RIPOR3: variants seen among roughly 807,000 people sequenced by gnomAD.
RIPOR3 encodes the protein RIPOR family member 3, also known as family with sequence similarity 65 member C.
In RIPOR3, 95 loss-of-function variants were observed where a neutral mutation model predicts 114.3. That is an observed-to-expected ratio of 0.83 (90% CI 0.70 to 0.99). The LOEUF is 0.99. RIPOR3 is among the 50% of genes least tolerant of loss of function. The pLI, the probability that RIPOR3 is intolerant of heterozygous loss-of-function variation, is 0.00. For synonymous variants in RIPOR3, 575 were observed against 543.8 expected, an observed-to-expected ratio of 1.06 and a Z score of -0.80; for missense variants, 1,252 against 1,266.9, an observed-to-expected ratio of 0.99 and a Z score of 0.18.
chr20:50,634,205 C>T (rs937772301), intron 1 of RIPOR3, among the ~76,000 whole-genome samples: 1 of 152,062 alleles, frequency 6.6e-6, no homozygotes, highest in Non-Finnish European at 1.5e-5. Context: ...TGTTCTCGAA[C>T]TCCTGAGCTC....
chr20:50,591,959 G>A (rs915691190), intron 19 of RIPOR3, among the ~76,000 whole-genome samples: 21 of 152,296 alleles, frequency 1.4e-4, no homozygotes, highest in African/African-American at 5.1e-4. Context: ...GCTGGGTATG[G>A]TGGTGGGCGC....
At chr20:50,667,852 C>T (rs1447284867) in intron 1 of RIPOR3, among the ~76,000 whole-genome samples, 5 of 152,184 alleles carry the variant, frequency 3.3e-5, no homozygotes, top group Admixed American at 6.5e-5. Context: ...TTTGTGATTA[C>T]GGGTAAGTTC....
Position 50,635,496 on chromosome 20 carries a change from A to T in RIPOR3, c.4-4640T>A, listed in dbSNP as rs1207643575. On this transcript the variant is annotated intron_variant, in intron 1 of 21. Transcript: ENST00000327979. ...TAGTGAGACCCGGTCCCCACAAAAA[A>T]TACAAAAATTACCCAGATGTGGTGG... Among the ~76,000 whole-genome samples the T allele has an allele frequency of 2.0e-5, 3 of 152,102 alleles. No individual in the cohort carries two copies. The East Asian group carries it at 5.8e-4, about 29-fold the overall frequency.
intron 2 of RIPOR3, among the ~76,000 whole-genome samples, chr20:50,624,180 A>G (rs1479657658): frequency 6.6e-6 from 1 of 152,210 alleles, no homozygotes; most frequent in Non-Finnish European, 1.5e-5. Context: ...CAAAGCCCAC[A>G]GGGGCTGTGC....
intron 1 of RIPOR3, among the ~76,000 whole-genome samples, chr20:50,669,236 C>T (rs1041858140): frequency 6.6e-6 from 1 of 152,174 alleles, no homozygotes; most frequent in Non-Finnish European, 1.5e-5. Context: ...CCTTACCCAA[C>T]CCTGGTTCAG....
chr20:50,596,419 T>A (rs1568825522), intron 14 of RIPOR3, among the ~76,000 whole-genome samples, 156 bp from the exon 15 acceptor site: 3 of 152,040 alleles, frequency 2.0e-5, no homozygotes, highest in Admixed American at 2.0e-4. Flanking sequence ...GAACAAAGGG[T>A]GGCAGCAACT....
At chr20:50,675,313 C>T (rs1390732737) in intron 1 of RIPOR3, among the ~76,000 whole-genome samples, 1 of 152,174 alleles carries the variant, frequency 6.6e-6, no homozygotes, top group East Asian at 1.9e-4. Context: ...TGCTTCATTA[C>T]AGCAGTCCTA....
At chr20:50,591,906 C>T (rs1232326217) in intron 19 of RIPOR3, among the ~76,000 whole-genome samples, 1 of 152,138 alleles carries the variant, frequency 6.6e-6, no homozygotes, top group East Asian at 1.9e-4. Context: ...ACCAGCCTGG[C>T]CAACATGGTG....
Position 50,602,872 on chromosome 20 carries a change from C to T in RIPOR3, c.1087-228G>A, listed in dbSNP as rs1482909333. Among the ~76,000 whole-genome samples the T allele has an allele frequency of 1.3e-5, 2 of 152,256 alleles. No homozygotes were observed. Among genetic ancestry groups the T allele is most frequent in the East Asian group, 3.9e-4 (2 of 5,190 alleles). ...CACTCCCCCCAACCTCAACAGCCTC[C>T]TGGCTATTGCTCATGCCCTGTGGGC... On this transcript the variant is annotated intron_variant, in intron 12 of 21. Transcript: ENST00000327979. The surrounding 1 kb of genome is among the most constrained non-coding windows in gnomAD (Gnocchi z 4.3).
chr20:50,594,643 G>T lies in RIPOR3; in HGVS notation c.2122C>A (p.Leu708Met). ...WRGCTGPGRV[L>M]SCPATTLLNQ... Reference sequence around the variant, plus strand: ...AGCAGCGTCGTGGCAGGGCAGGACAGGACCCTGCCAGGCCCTGTGCACCCT... The same window carrying T: ...AGCAGCGTCGTGGCAGGGCAGGACATGACCCTGCCAGGCCCTGTGCACCCT... Residue 708 changes from leucine (L) to methionine (M), a missense_variant, in exon 17 of 22, where the codon CTG becomes ATG. Leu to Met is a conservative substitution (Grantham distance 15). Transcript: ENST00000327979. 1 of 1,613,750 alleles carries T rather than the reference G, an allele frequency of 6.2e-7. No individual in the cohort carries two copies. The highest frequency in any genetic ancestry group is 2.2e-5 in the East Asian group (1 of 44,862).
rs34725648 is a variant in RIPOR3 at position 50,677,367 on chromosome 20, CTTT to C, written c.3+13756_3+13758del. Among the ~76,000 whole-genome samples the C allele has an allele frequency of 8.8e-3, 854 of 96,778 alleles. 6 individuals carry two copies. The highest frequency in any genetic ancestry group is 0.029 in the East Asian group (94 of 3,286). The allele number at this position is 96,778 out of a possible 152,430, so 63.5% of individuals were successfully genotyped here. On this transcript the variant is annotated intron_variant, in intron 1 of 21. Coordinates refer to ENST00000327979, the MANE Select transcript of RIPOR3 (RefSeq NM_001290268.2). Reference sequence around the variant, plus strand: ...TTATTATTATTATTTTCTTGTTTTACTTTTTTTTTTTTTTTTTTTTTTAGACCG... The same window carrying C: ...TTATTATTATTATTTTCTTGTTTTACTTTTTTTTTTTTTTTTTTTAGACCG...
intron 1 of RIPOR3, among the ~76,000 whole-genome samples, chr20:50,636,071 T>C (rs1449851690): frequency 6.6e-6 from 1 of 152,220 alleles, no homozygotes; most frequent in Non-Finnish European, 1.5e-5. Context: ...GCAGCTCAGC[T>C]GCGCCCCCTC....
intron 1 of RIPOR3, among the ~76,000 whole-genome samples, chr20:50,676,735 T>C (rs1247540553): frequency 6.6e-6 from 1 of 151,138 alleles, no homozygotes; most frequent in East Asian, 1.9e-4. Flanking sequence ...ACATCAGAAA[T>C]GGGTTTCTCT....
chr20:50,609,671 C>A lies in RIPOR3; in HGVS notation c.478G>T (p.Ala160Ser). The A allele has an allele frequency of 7.2e-7, 1 of 1,391,486 alleles. No homozygotes were observed. The highest frequency in any genetic ancestry group is 9.3e-7 in the Non-Finnish European group (1 of 1,073,428). 86.2% of individuals were successfully genotyped at this position (1,391,486 alleles called of 1,614,324 possible). A position where few individuals can be genotyped will look rare whatever the true frequency, so the allele number is the denominator to read the frequency against. ...YCIQCRLRDG[A>S]SSMQRAFARC... Reference sequence around the variant, plus strand: ...GCGAAGGCCCGCTGCATGCTGGAGGCGCCGTCGCGCAGGCGGCACTGGATG... The same window carrying A: ...GCGAAGGCCCGCTGCATGCTGGAGGAGCCGTCGCGCAGGCGGCACTGGATG... The change falls in exon 7 of 22, where the codon GCC (alanine) becomes TCC (serine). Residue 160 changes from alanine (A) to serine (S), a missense_variant. Ala to Ser is a moderately conservative substitution (Grantham distance 99, BLOSUM62 1). Coordinates refer to ENST00000327979, the MANE Select transcript of RIPOR3 (RefSeq NM_001290268.2).
chr20:50,663,781 C>T (rs904204816), intron 1 of RIPOR3, among the ~76,000 whole-genome samples: 3 of 152,192 alleles, frequency 2.0e-5, no homozygotes, highest in Non-Finnish European at 4.4e-5. Context: ...GTCCCCCCAT[C>T]CAAGACAACC....
intron 11 of RIPOR3, among the ~76,000 whole-genome samples, chr20:50,607,106 A>T (rs1483476633): frequency 6.6e-6 from 1 of 152,048 alleles, no homozygotes; most frequent in East Asian, 1.9e-4. Flanking sequence ...CATTTTGTTC[A>T]AGTCTTTGTT....
At chr20:50,645,267 G>C (rs1444212224) in intron 1 of RIPOR3, among the ~76,000 whole-genome samples, 1 of 152,204 alleles carries the variant, frequency 6.6e-6, no homozygotes, top group African/African-American at 2.4e-5. Context: ...CCCCTGCCCA[G>C]GAAGGCAGGA....
chr20:50,683,134 T>TAAAATG (rs2086912097), intron 1 of RIPOR3, among the ~76,000 whole-genome samples: 1 of 152,234 alleles, frequency 6.6e-6, no homozygotes, highest in Admixed American at 6.5e-5. Context: ...GCCGCTGAAT[T>TAAAATG]GTACCCTTAA....
intron 5 of RIPOR3, 90 bp downstream of exon 5, chr20:50,611,091 G>T: frequency 6.3e-7 from 1 of 1,599,692 alleles, no homozygotes; most frequent in African/African-American, 1.3e-5. Context: ...CAGGTTTTCT[G>T]CCCATCAGGC....
Sources: allele counts gnomAD v4.1 joint callset (sites outside exome capture counted in the v4.1 genomes callset), GRCh38; gene constraint gnomAD v4.1.1; non-coding constraint Gnocchi (gnomAD v3.1); transcripts MANE v1.5; gene names NCBI Gene and HGNC (gene_info 2026-07-23, HGNC 2026-07-21).